The following TCF4 variants were observed in gnomAD, a reference collection of about 807,000 sequenced individuals.
TCF4 encodes SL3-3 enhancer factor 2.
TCF4 carries 3 observed loss-of-function variants against 82.1 expected under a neutral mutation model. That is an observed-to-expected ratio of 0.04 (90% CI 0.02 to 0.09). The LOEUF is 0.09. Among genes scored for constraint, TCF4 ranks in the 10% least tolerant of loss-of-function variants. TCF4 has a pLI of 1.00. For synonymous variants in TCF4, 276 were observed against 309.6 expected (o/e 0.89, Z 1.14); for missense variants, 518 against 852.7 (o/e 0.61, Z 4.89).
intron 5 of TCF4, among the ~76,000 whole-genome samples, chr18:55,455,820 T>C (rs947800889): frequency 6.6e-6 from 1 of 152,230 alleles, no homozygotes; most frequent in Non-Finnish European, 1.5e-5. Context: ...TAACATCTCA[T>C]TCGTGCTTTG....
chr18:55,244,839 A>G (rs2052540059), intron 15 of TCF4, among the ~76,000 whole-genome samples: 1 of 152,232 alleles, frequency 6.6e-6, no homozygotes, highest in Non-Finnish European at 1.5e-5. Flanking sequence ...TTCAGCTCCA[A>G]AAGAGACCCG....
At chr18:55,472,976 T>C (rs1283070508) in intron 3 of TCF4, among the ~76,000 whole-genome samples, 2 of 152,204 alleles carry the variant, frequency 1.3e-5, no homozygotes, top group Non-Finnish European at 2.9e-5. Context: ...CATTTCCTAA[T>C]AAAACTGAAT....
intron 8 of TCF4, among the ~76,000 whole-genome samples, chr18:55,334,246 T>C (rs770429393): frequency 1.3e-5 from 2 of 152,178 alleles, no homozygotes; most frequent in Non-Finnish European, 2.9e-5. Context: ...TTATTCTTAA[T>C]AGTAAAAACA....
intron 5 of TCF4, among the ~76,000 whole-genome samples, chr18:55,436,938 T>G (rs1329953998): frequency 6.6e-6 from 1 of 152,182 alleles, no homozygotes; most frequent in Non-Finnish European, 1.5e-5. Context: ...ACAAAATAAG[T>G]CCTAGAAGAT....
chr18:55,395,746 C>A (rs145060645), intron 6 of TCF4, among the ~76,000 whole-genome samples: 1 of 152,298 alleles, frequency 6.6e-6, no homozygotes, highest in East Asian at 1.9e-4. Flanking sequence ...ATTCTGCCTA[C>A]ATTGCACAAA....
intron 8 of TCF4, among the ~76,000 whole-genome samples, chr18:55,286,302 T>C (rs2146448066): frequency 6.6e-6 from 1 of 151,518 alleles, no homozygotes; most frequent in South Asian, 2.1e-4. Flanking sequence ...AATCTTTTTC[T>C]ACCTTTTTTT....
chr18:55,280,465 T>C (rs905095658), intron 8 of TCF4, among the ~76,000 whole-genome samples: 5 of 152,192 alleles, frequency 3.3e-5, no homozygotes, highest in African/African-American at 1.2e-4. Context: ...CAGGACAGCA[T>C]AGTAGAAAAG....
intron 15 of TCF4, among the ~76,000 whole-genome samples, chr18:55,249,416 A>G (rs943610936): frequency 5.3e-5 from 8 of 152,172 alleles, no homozygotes; most frequent in Non-Finnish European, 1.0e-4. Context: ...CACATCCCCC[A>G]CCTGCAGGAC....
intron 6 of TCF4, among the ~76,000 whole-genome samples, chr18:55,363,083 G>A (rs1359885308): frequency 2.6e-5 from 4 of 152,144 alleles, no homozygotes; most frequent in Non-Finnish European, 5.9e-5. Context: ...GGATAGGGTA[G>A]AGAAGACACA....
chr18:55,430,027 C>G (rs888978424), intron 5 of TCF4, among the ~76,000 whole-genome samples: 1 of 152,052 alleles, frequency 6.6e-6, no homozygotes, highest in Non-Finnish European at 1.5e-5. Flanking sequence ...ACAGAGGAAA[C>G]TAGACATGTT....
chr18:55,587,533 AG>A lies in TCF4; in HGVS notation c.-20-398del, dbSNP rs565985447. The stretch of plus-strand genomic sequence containing the variant: ...ATCACAGAGAAAAGAGAAACTACTG[AG>A]AACGATCCGATCTCAACTTTCCCCC... On this transcript the variant is annotated intron_variant, in intron 1 of 19. Coordinates refer to ENST00000354452, the MANE Select transcript of TCF4 (RefSeq NM_001083962.2). Among the ~76,000 whole-genome samples the A allele has an allele frequency of 6.0e-5, 9 of 151,170 alleles. No homozygotes were observed. In the South Asian group the frequency reaches 1.7e-3, roughly 28 times the overall value.
intron 10 of TCF4, among the ~76,000 whole-genome samples, chr18:55,275,341 C>CCT (rs2061303557): frequency 6.8e-6 from 1 of 146,410 alleles, no homozygotes. Flanking sequence ...AAATAGGTAT[C>CCT]TATTTATGTA....
intron 3 of TCF4, among the ~76,000 whole-genome samples, chr18:55,564,653 A>G (rs1199534235): frequency 6.6e-6 from 1 of 152,232 alleles, no homozygotes; most frequent in African/African-American, 2.4e-5. Context: ...GAGACAGAAG[A>G]AAATCAAATA....
chr18:55,623,633 T>C (rs1224229227), intron 2 of TCF4, among the ~76,000 whole-genome samples: 1 of 152,202 alleles, frequency 6.6e-6, no homozygotes, highest in Non-Finnish European at 1.5e-5. Flanking sequence ...ATAATTTGTT[T>C]GGTAGTGGAT....
intron 5 of TCF4, among the ~76,000 whole-genome samples, chr18:55,456,175 G>A (rs1346540946): frequency 1.3e-5 from 2 of 152,342 alleles, no homozygotes; most frequent in East Asian, 3.9e-4. Context: ...TATGACCACA[G>A]TAACCAAATC....
intron 3 of TCF4, among the ~76,000 whole-genome samples, chr18:55,565,059 G>T (rs2097391093): frequency 6.6e-6 from 1 of 152,148 alleles, no homozygotes; most frequent in South Asian, 2.1e-4. Flanking sequence ...AGAACACTAG[G>T]AGAGGAAACT....
chr18:55,622,881 C>CTCTG (rs1555791857), intron 2 of TCF4, among the ~76,000 whole-genome samples: 2 of 149,622 alleles, frequency 1.3e-5, no homozygotes, highest in Admixed American at 6.7e-5. Context: ...TTTCTCCACT[C>CTCTG]TGTGTGTGTG....
chr18:55,298,350 T>C (rs1048387652), intron 8 of TCF4, among the ~76,000 whole-genome samples: 1 of 152,206 alleles, frequency 6.6e-6, no homozygotes, highest in Non-Finnish European at 1.5e-5. Context: ...AGAATGGTGT[T>C]AGGGCTGAGA....
chr18:55,523,072 A>G (rs2096945976), intron 3 of TCF4, among the ~76,000 whole-genome samples: 1 of 152,088 alleles, frequency 6.6e-6, no homozygotes, highest in Admixed American at 6.6e-5. Flanking sequence ...GCTAAACTTG[A>G]TAATCTCTTT....
Sources: allele counts gnomAD v4.1 joint callset (sites outside exome capture counted in the v4.1 genomes callset), GRCh38; gene constraint gnomAD v4.1.1; transcripts MANE v1.5; gene names NCBI Gene and HGNC (gene_info 2026-07-23, HGNC 2026-07-21).